The following CCDC160 variants were observed in gnomAD, a reference collection of about 807,000 sequenced individuals.
The protein encoded by CCDC160 is coiled-coil domain-containing protein 160.
For synonymous variants in CCDC160, 94 were observed against 79.4 expected (o/e 1.18, Z -0.98); for missense variants, 227 against 215.6 (o/e 1.05, Z -0.33).
intron 1 of CCDC160, among the ~76,000 whole-genome samples, chrX:134,240,919 C>T (rs2077025811): frequency 9.2e-6 from 1 of 108,715 alleles, no homozygotes; most frequent in South Asian, 4.1e-4. Context: ...TCAAGTTATC[C>T]TTCCGCCTCT....
At chrX:134,243,822 C>T (rs370658187) in intron 1 of CCDC160, among the ~76,000 whole-genome samples, 107 of 111,614 alleles carry the variant, frequency 9.6e-4, no homozygotes, top group African/African-American at 3.3e-3. Context: ...ACTTCAGCTA[C>T]CAGTTGGTGG....
At chrX:134,246,008 T>A, downstream of CCDC160, 2 of 178,242 alleles carry the variant, frequency 1.1e-5, no homozygotes, top group Non-Finnish European at 2.0e-5. Context: ...TATCAGAGTG[T>A]GTGTGTGTGT....
At position 134,245,596 on chromosome X, in the gene CCDC160, T is replaced by C. The variant is rs374229884; in HGVS notation, c.796T>C (p.Tyr266His). Residue 266 changes from tyrosine (Y) to histidine (H), a missense_variant, in exon 2 of 2, where the codon TAT becomes CAT. Physicochemically the swap from Tyr to His is moderately conservative, Grantham distance 83 (BLOSUM62 2). Transcript: ENST00000370809. ...GCTCCTAAAAGAAGAAATGAAATCA[T>C]ATTATGAATTAGAAATGGCAAAGAT... 6.6e-6 allele frequency: 8 copies of C among 1,207,396 alleles called. No homozygotes were observed. In the East Asian group the frequency reaches 2.1e-4, roughly 31 times the overall value.
chrX:134,245,411 A>G, exon 2 of CCDC160: 2 of 1,185,014 alleles, frequency 1.7e-6, no homozygotes, highest in Non-Finnish European at 2.3e-6. Context: ...TATGAACTTC[A>G]AGCTTTAAGA....
chrX:134,240,747 G>A, intron 1 of CCDC160, among the ~76,000 whole-genome samples: 1 of 82,775 alleles, frequency 1.2e-5, no homozygotes, highest in Non-Finnish European at 2.2e-5. Flanking sequence ...GCAGTGGCAT[G>A]ATCATAGCTC....
At chrX:134,241,010 T>A (rs1313917515) in intron 1 of CCDC160, among the ~76,000 whole-genome samples, 1 of 110,553 alleles carries the variant, frequency 9.0e-6, no homozygotes, top group Non-Finnish European at 1.9e-5. Flanking sequence ...AAAAAATTGA[T>A]TTATGTCATC....
At chrX:134,241,567 C>T (rs1266377377) in intron 1 of CCDC160, among the ~76,000 whole-genome samples, 1 of 112,364 alleles carries the variant, frequency 8.9e-6, no homozygotes, top group East Asian at 2.8e-4. Context: ...TACGCCTTAA[C>T]AGTGCAGTCC....
chrX:134,239,531 G>A (rs1468588570), intron 1 of CCDC160, among the ~76,000 whole-genome samples: 2 of 111,696 alleles, frequency 1.8e-5, no homozygotes, highest in East Asian at 2.8e-4. Context: ...TTTCCCTGAA[G>A]ATGCAGATTA....
chrX:134,245,156 C>T (rs765881188), exon 2 of CCDC160: 1 of 1,196,472 alleles, frequency 8.4e-7, no homozygotes, highest in African/African-American at 1.7e-5. Context: ...GATAACTCTA[C>T]CTGCAGTACA....
downstream of CCDC160, among the ~76,000 whole-genome samples, chrX:134,246,476 G>A (rs919470692): frequency 2.7e-5 from 3 of 111,549 alleles, no homozygotes; most frequent in Admixed American, 2.9e-4. Flanking sequence ...GTTTTCTTAT[G>A]TTGACCAGTA....
chrX:134,245,791 T>A, downstream of CCDC160: 1 of 1,083,569 alleles, frequency 9.2e-7, no homozygotes. Flanking sequence ...CTTAAAAAAA[T>A]CCTTCCAGTA....
At chrX:134,243,343 T>G in intron 1 of CCDC160, 1 of 751,655 alleles carries the variant, frequency 1.3e-6, no homozygotes, top group Non-Finnish European at 1.6e-6. Context: ...CCAGTAGGGA[T>G]GTACTCTTGG....
chrX:134,244,562 T>C (rs2077036195), intron 1 of CCDC160, among the ~76,000 whole-genome samples: 2 of 112,158 alleles, frequency 1.8e-5, no homozygotes, highest in South Asian at 7.5e-4. Flanking sequence ...TGAGAGACTT[T>C]TAAAGCTGGA....
intron 1 of CCDC160, among the ~76,000 whole-genome samples, chrX:134,242,074 A>G (rs188335083): frequency 4.5e-5 from 5 of 111,453 alleles, no homozygotes; most frequent in African/African-American, 1.6e-4. Context: ...AAGCCCTTAA[A>G]GGATATCTTG....
chrX:134,237,574 C>T (rs1291305340), intron 1 of CCDC160, among the ~76,000 whole-genome samples: 1 of 111,603 alleles, frequency 9.0e-6, no homozygotes, highest in East Asian at 2.8e-4. Flanking sequence ...GGTCAGGCCT[C>T]TCCCGCCGCC....
At chrX:134,245,221 A>G (rs1416884009) in exon 2 of CCDC160, 1 of 1,196,244 alleles carries the variant, frequency 8.4e-7, no homozygotes, top group Non-Finnish European at 1.1e-6. Flanking sequence ...TATGGAAAGA[A>G]TGTCTCCAAA....
chrX:134,243,625 TAAG>T (rs2077033783), intron 1 of CCDC160, among the ~76,000 whole-genome samples: 3 of 112,383 alleles, frequency 2.7e-5, no homozygotes, highest in Admixed American at 9.5e-5. Context: ...AAATATTAAT[TAAG>T]AAATAAATGC....
chrX:134,246,416 T>C (rs2077043397), downstream of CCDC160, among the ~76,000 whole-genome samples: 1 of 111,964 alleles, frequency 8.9e-6, no homozygotes, highest in Non-Finnish European at 1.9e-5. Context: ...CTTAGAGACA[T>C]TGCTGTGACC....
chrX:134,238,017 G>T (rs1024214166), intron 1 of CCDC160, among the ~76,000 whole-genome samples: 3 of 111,706 alleles, frequency 2.7e-5, no homozygotes, highest in Non-Finnish European at 5.6e-5. Flanking sequence ...CAAAAATCAG[G>T]ATGACTTCCC....
Sources: gnomAD v4.1 joint callset for allele counts (sites outside exome capture counted in the v4.1 genomes callset) on GRCh38, gnomAD v4.1.1 for gene constraint, MANE v1.5 for transcripts, NCBI Gene and HGNC (gene_info 2026-07-23, HGNC 2026-07-21) for gene names.